Variants in PARD3 observed in about 807,000 individuals in gnomAD.
PARD3 encodes partitioning defective 3 homolog.
A neutral mutation model predicts 155.4 loss-of-function variants in PARD3; 75 were observed. That is an observed-to-expected ratio of 0.48 (90% CI 0.40 to 0.58). The LOEUF (loss-of-function observed/expected upper bound fraction) is 0.58. PARD3 is among the 20% of genes least tolerant of loss of function. The pLI, the probability that PARD3 is intolerant of heterozygous loss-of-function variation, is 0.00. For missense variants in PARD3, 1,642 were observed against 1,721.7 expected, an observed-to-expected ratio of 0.95 and a Z score of 0.82; for synonymous variants, 576 against 610.5, an observed-to-expected ratio of 0.94 and a Z score of 0.83.
At chr10:34,332,628 G>C (rs1296272573) in intron 18 of PARD3, among the ~76,000 whole-genome samples, 2 of 152,108 alleles carry the variant, frequency 1.3e-5, no homozygotes, top group East Asian at 3.8e-4. Context: ...AAGCTATTTT[G>C]GGTAAGAATA....
intron 4 of PARD3, among the ~76,000 whole-genome samples, chr10:34,463,941 C>T (rs1201185751): frequency 6.6e-6 from 1 of 152,112 alleles, no homozygotes; most frequent in Non-Finnish European, 1.5e-5. Flanking sequence ...GTGTTGTAGG[C>T]TACACCATCT....
intron 1 of PARD3, among the ~76,000 whole-genome samples, chr10:34,705,424 A>G (rs7908758): frequency 0.41 from 62,245 of 151,400 alleles, 14,184 homozygotes; most frequent in African/African-American, 0.6. Context: ...GGAGGTGGAC[A>G]ATACAGTAAG....
chr10:34,194,279 G>C (rs985040365), intron 22 of PARD3, among the ~76,000 whole-genome samples: 2 of 152,178 alleles, frequency 1.3e-5, no homozygotes, highest in Non-Finnish European at 2.9e-5. Flanking sequence ...TTGAGAAACA[G>C]TTGAAAAGGC....
At chr10:34,639,963 T>C (rs192124166) in intron 2 of PARD3, among the ~76,000 whole-genome samples, 106 of 152,288 alleles carry the variant, frequency 7.0e-4, no homozygotes, top group African/African-American at 2.5e-3. Context: ...GTTATATTCA[T>C]TAAACACCAT....
chr10:34,112,070 G>A (rs536226206), intron 24 of PARD3, among the ~76,000 whole-genome samples: 7 of 152,284 alleles, frequency 4.6e-5, no homozygotes, highest in Middle Eastern at 3.4e-3. Flanking sequence ...GTATGAGTTC[G>A]GTTATGAAAG....
intron 2 of PARD3, among the ~76,000 whole-genome samples, chr10:34,518,213 A>G (rs2081912123): frequency 6.6e-6 from 1 of 152,136 alleles, no homozygotes; most frequent in Admixed American, 6.5e-5. Context: ...TAGTTAAGTA[A>G]ATACACCGAC....
chr10:34,755,240 A>G (rs1836561659), intron 1 of PARD3, among the ~76,000 whole-genome samples: 1 of 150,510 alleles, frequency 6.6e-6, no homozygotes, highest in East Asian at 1.9e-4. Context: ...CGTCTCTACT[A>G]AAAATTAAAA....
intron 5 of PARD3, among the ~76,000 whole-genome samples, chr10:34,402,907 T>C (rs1844049102): frequency 6.6e-6 from 1 of 152,210 alleles, no homozygotes; most frequent in Non-Finnish European, 1.5e-5. Context: ...TGTCTTTTCA[T>C]TAAAGAGTTC....
At chr10:34,336,757 A>T (rs953889117) in intron 17 of PARD3, among the ~76,000 whole-genome samples, 1 of 152,112 alleles carries the variant, frequency 6.6e-6, no homozygotes, top group African/African-American at 2.4e-5. Flanking sequence ...AATACTCTCA[A>T]ATTATTACTT....
chr10:34,334,633 A>G (rs953855906), intron 18 of PARD3, among the ~76,000 whole-genome samples: 2 of 151,754 alleles, frequency 1.3e-5, no homozygotes, highest in Non-Finnish European at 3.0e-5. Context: ...TATTTTATTC[A>G]TTTAGATGTA....
intron 1 of PARD3, among the ~76,000 whole-genome samples, chr10:34,752,993 A>G (rs980113960): frequency 6.6e-6 from 1 of 152,236 alleles, no homozygotes; most frequent in Non-Finnish European, 1.5e-5. Context: ...TGCTCCATTC[A>G]TGAGATGTTT....
chr10:34,678,704 A>AT (rs1264943890), intron 2 of PARD3, among the ~76,000 whole-genome samples: 1 of 152,208 alleles, frequency 6.6e-6, no homozygotes, highest in African/African-American at 2.4e-5. Context: ...AAATATCAGT[A>AT]TGATTTTGAA....
In PARD3 at chr10:34,581,234, C is replaced by CTTTTTTTTTTTTTTT. The variant is rs779658592; in HGVS notation, c.223-64090_223-64076dup. On this transcript the variant is annotated intron_variant, in intron 2 of 24. Transcript: ENST00000374788. ...TTTTGGTTATTTTTCTTTTTCTTTT[C>CTTTTTTTTTTTTTTT]TTTTTTTTTTTTTTTTTTGAGACGG... is the stretch of plus-strand genomic sequence containing the variant. Among the ~76,000 whole-genome samples, 51 of 101,246 alleles carry CTTTTTTTTTTTTTTT rather than the reference C, an allele frequency of 5.0e-4. 4 individuals carry two copies. The highest frequency in any genetic ancestry group is 6.3e-4 in the African/African-American group (15 of 23,880). 66.4% of individuals were successfully genotyped at this position (101,246 alleles called of 152,430 possible).
chr10:34,602,203 A>G (rs2089844439), intron 2 of PARD3, among the ~76,000 whole-genome samples: 2 of 152,218 alleles, frequency 1.3e-5, no homozygotes, highest in African/African-American at 4.8e-5. Context: ...GCTGTTATTC[A>G]TTACTGGACA....
intron 2 of PARD3, among the ~76,000 whole-genome samples, chr10:34,553,381 T>A (rs918169600): frequency 5.3e-5 from 8 of 152,330 alleles, no homozygotes; most frequent in Middle Eastern, 3.4e-3. Context: ...TGTTTTAGAT[T>A]CAGAGAAGTT....
intron 18 of PARD3, among the ~76,000 whole-genome samples, chr10:34,333,318 A>G (rs1468222950): frequency 6.6e-6 from 1 of 152,184 alleles, no homozygotes; most frequent in African/African-American, 2.4e-5. Flanking sequence ...CAGAAATGGC[A>G]TGAGTATTCA....
At chr10:34,339,954 T>C (rs1331949729) in intron 16 of PARD3, among the ~76,000 whole-genome samples, 1 of 152,210 alleles carries the variant, frequency 6.6e-6, no homozygotes, top group Non-Finnish European at 1.5e-5. Flanking sequence ...TTCCAGTTAT[T>C]AATCCTGTCT....
chr10:34,475,369 T>C (rs933677905), intron 3 of PARD3, among the ~76,000 whole-genome samples: 4 of 152,180 alleles, frequency 2.6e-5, no homozygotes, highest in Non-Finnish European at 5.9e-5. Flanking sequence ...TATGAAAAAG[T>C]ATATAAAGGA....
At chr10:34,783,515 A>G (rs1840526230) in intron 1 of PARD3, among the ~76,000 whole-genome samples, 1 of 150,490 alleles carries the variant, frequency 6.6e-6, no homozygotes, top group Non-Finnish European at 1.5e-5. Flanking sequence ...GAGGCAGGAG[A>G]ATGGCGTGAA....
Sources: gnomAD v4.1 joint callset for allele counts (sites outside exome capture counted in the v4.1 genomes callset) on GRCh38, gnomAD v4.1.1 for gene constraint, MANE v1.5 for transcripts, NCBI Gene and HGNC (gene_info 2026-07-23, HGNC 2026-07-21) for gene names.